MLLT1: variants seen among roughly 807,000 people sequenced by gnomAD.
The protein encoded by MLLT1 is protein ENL.
In MLLT1, 11 loss-of-function variants were observed where a neutral mutation model predicts 55.1. That is an observed-to-expected ratio of 0.20 (90% CI 0.13 to 0.33). The LOEUF is 0.33. Among genes scored for constraint, MLLT1 ranks in the 10% least tolerant of loss-of-function variants. The pLI, the probability that MLLT1 is intolerant of heterozygous loss-of-function variation, is 1.00. For synonymous variants in MLLT1, 323 were observed against 320.1 expected (o/e 1.01, Z -0.10); for missense variants, 536 against 760.6 (o/e 0.70, Z 3.47).
At chr19:6,244,596 C>A (rs1043134270) in intron 3 of MLLT1, among the ~76,000 whole-genome samples, 2 of 152,138 alleles carry the variant, frequency 1.3e-5, no homozygotes. Context: ...AAATAAAAAA[C>A]GTTTGCTAGA....
chr19:6,215,020 G>T (rs982529847), intron 8 of MLLT1, among the ~76,000 whole-genome samples: 9 of 152,160 alleles, frequency 5.9e-5, no homozygotes, highest in Non-Finnish European at 8.8e-5. Flanking sequence ...CCCAGGCGAC[G>T]CCCCTGCCTG....
chr19:6,273,595 G>A lies in MLLT1; in HGVS notation c.13-2836C>T, dbSNP rs922703811. The stretch of plus-strand genomic sequence containing the variant: ...AACAACACTGACATTAGCCCCGAGC[G>A]GCCATGACCACCCTCTATGCTTACA... On this transcript the variant is annotated intron_variant, in intron 1 of 11. Coordinates refer to ENST00000252674, the MANE Select transcript of MLLT1 (RefSeq NM_005934.4). This position sits in a 1 kb window ranked among gnomAD's most constrained non-coding sequence, Gnocchi z 4.3. Among the ~76,000 whole-genome samples the A allele has an allele frequency of 1.3e-5, 2 of 152,152 alleles. No individual in the cohort carries two copies. The highest frequency in any genetic ancestry group is 2.9e-5 in the Non-Finnish European group (2 of 68,034).
intron 3 of MLLT1, among the ~76,000 whole-genome samples, chr19:6,252,537 T>C (rs376193914): frequency 2.0e-5 from 3 of 152,166 alleles, no homozygotes; most frequent in Admixed American, 1.3e-4. Flanking sequence ...TTTGAGATAA[T>C]GAAAACAAAA....
intron 7 of MLLT1, 111 bp from the exon 8 acceptor site, chr19:6,216,624 A>C: frequency 1.4e-6 from 1 of 713,664 alleles, no homozygotes. Context: ...GTGACCCCCA[A>C]ATGCACACGC....
intron 3 of MLLT1, among the ~76,000 whole-genome samples, chr19:6,253,210 A>G (rs1016626494): frequency 7.3e-6 from 1 of 136,402 alleles, no homozygotes; most frequent in African/African-American, 2.8e-5. Flanking sequence ...GCTTGCAGTG[A>G]GCCAAGATTG....
intron 4 of MLLT1, among the ~76,000 whole-genome samples, chr19:6,228,804 T>C (rs2090978248): frequency 6.6e-6 from 1 of 151,888 alleles, no homozygotes; most frequent in African/African-American, 2.4e-5. Flanking sequence ...GCCTGGAAAG[T>C]TCCTGCCCAG....
rs1179461309 is a variant in MLLT1, at chr19:6,244,043, C to CAAAAA, written c.277-13335_277-13331dup. Among the ~76,000 whole-genome samples the CAAAAA allele has an allele frequency of 2.7e-4, 12 of 45,204 alleles. No individual in the cohort carries two copies. The East Asian group carries it at 4.4e-3, about 17-fold the overall frequency. 29.7% of individuals were successfully genotyped at this position (45,204 alleles called of 152,430 possible). A position where few individuals can be genotyped will look rare whatever the true frequency, so the allele number is the denominator to read the frequency against. ...TGGGTGACAGAGCAAGACTCCACCT[C>CAAAAA]AAAAAAAAAAAAAAAAAAAAAAGAA... On this transcript the variant is annotated intron_variant, in intron 3 of 11. Coordinates refer to ENST00000252674, the MANE Select transcript of MLLT1 (RefSeq NM_005934.4).
intron 1 of MLLT1, among the ~76,000 whole-genome samples, chr19:6,276,448 C>G (rs2091428756): frequency 6.6e-6 from 1 of 152,170 alleles, no homozygotes; most frequent in Admixed American, 6.5e-5. Context: ...CAGCTGCTCT[C>G]AAACCCAAAC....
intron 6 of MLLT1, among the ~76,000 whole-genome samples, chr19:6,218,504 A>C (rs1282004974): frequency 6.6e-6 from 1 of 152,232 alleles, no homozygotes; most frequent in East Asian, 1.9e-4. Context: ...TCCGGGGCTC[A>C]GGGGTGGCAG....
At chr19:6,263,699 G>A (rs926468924) in intron 2 of MLLT1, among the ~76,000 whole-genome samples, 2 of 152,230 alleles carry the variant, frequency 1.3e-5, no homozygotes, top group Non-Finnish European at 2.9e-5. Context: ...CAGGAATAAG[G>A]CCGTGAGAGT....
chr19:6,261,361 G>A (rs1180731949), intron 3 of MLLT1, among the ~76,000 whole-genome samples: 1 of 152,204 alleles, frequency 6.6e-6, no homozygotes, highest in Non-Finnish European at 1.5e-5. Context: ...TCTCCTCAAG[G>A]CCCTTCGTGC....
chr19:6,213,691 GTA>G, intron 10 of MLLT1, 33 bp downstream of exon 10: 6 of 318,148 alleles, frequency 1.9e-5, no homozygotes, highest in Admixed American at 1.0e-4. Context: ...CCACCCCTCC[GTA>G]GCCTCCCCGC....
intron 2 of MLLT1, among the ~76,000 whole-genome samples, chr19:6,264,371 C>A (rs1473198396): frequency 6.6e-6 from 1 of 151,908 alleles, no homozygotes; most frequent in Non-Finnish European, 1.5e-5. Context: ...CCGAGGAAGG[C>A]CTTACTCATT....
intron 3 of MLLT1, among the ~76,000 whole-genome samples, chr19:6,234,431 T>C (rs2091041221): frequency 6.6e-6 from 1 of 152,224 alleles, no homozygotes; most frequent in South Asian, 2.1e-4. Context: ...GGCTGGAACC[T>C]GGCAGATAAA....
intron 5 of MLLT1, among the ~76,000 whole-genome samples, chr19:6,224,258 G>A (rs905044111): frequency 6.6e-6 from 1 of 152,266 alleles, no homozygotes; most frequent in Non-Finnish European, 1.5e-5. Context: ...CCACCTCCTT[G>A]GAGAAAGGGC....
intron 1 of MLLT1, among the ~76,000 whole-genome samples, chr19:6,274,211 AAC>A (rs1404645370): frequency 1.3e-5 from 2 of 152,236 alleles, no homozygotes; most frequent in Non-Finnish European, 1.5e-5. Flanking sequence ...AGGGTGGAAT[AAC>A]AGAGTCTCTG....
intron 6 of MLLT1, among the ~76,000 whole-genome samples, chr19:6,220,652 G>A (rs1385067541): frequency 3.9e-5 from 6 of 152,248 alleles, no homozygotes; most frequent in Non-Finnish European, 7.3e-5. Context: ...GCTGCCCAGC[G>A]TGCTGCACAC....
At chr19:6,275,250 T>C (rs1254778383) in intron 1 of MLLT1, among the ~76,000 whole-genome samples, 2 of 152,312 alleles carry the variant, frequency 1.3e-5, no homozygotes, top group Non-Finnish European at 2.9e-5. Context: ...GTTCGGCTAC[T>C]GCATCTAATT....
chr19:6,220,134 G>A (rs1350590738), intron 6 of MLLT1, among the ~76,000 whole-genome samples: 3 of 152,208 alleles, frequency 2.0e-5, no homozygotes, highest in African/African-American at 7.2e-5. Context: ...GGGTGGGCGT[G>A]GGCCAGACCC....
Sources: allele counts gnomAD v4.1 joint callset (sites outside exome capture counted in the v4.1 genomes callset), GRCh38; gene constraint gnomAD v4.1.1; non-coding constraint Gnocchi (gnomAD v3.1); transcripts MANE v1.5; gene names NCBI Gene and HGNC (gene_info 2026-07-23, HGNC 2026-07-21).